Variants in OSTM1 observed in about 807,000 individuals in gnomAD.
OSTM1 encodes the protein osteopetrosis-associated transmembrane protein 1.
Under a neutral mutation model 35.4 loss-of-function variants are expected in OSTM1, and 26 were observed. The observed-to-expected ratio is 0.73, with a 90% CI of 0.54 to 1.02. The LOEUF is 1.02. OSTM1 is among the 50% of genes least tolerant of loss of function. OSTM1 has a pLI of 0.00. For synonymous variants in OSTM1, 181 were observed against 165.0 expected, an observed-to-expected ratio of 1.10 and a Z score of -0.75; for missense variants, 366 against 409.6, an observed-to-expected ratio of 0.89 and a Z score of 0.92.
At chr6:108,058,257 T>G (rs1165879871) in intron 2 of OSTM1, among the ~76,000 whole-genome samples, 1 of 152,120 alleles carries the variant, frequency 6.6e-6, no homozygotes, top group African/African-American at 2.4e-5. Context: ...GCATTTGGCA[T>G]CTCTTAGGAA....
Position 108,054,505 on chromosome 6 carries a change from AAAGC to A in OSTM1, c.596_599del (p.Cys199LeufsTer32). Reference sequence around the variant, plus strand: ...TATAAAATACCTGAAGGTTATGTTCAAAGCAGGTCAGGGTGTGATTAAATAGATT... The same window carrying A: ...TATAAAATACCTGAAGGTTATGTTCAAGGTCAGGGTGTGATTAAATAGATT... On this transcript the variant is annotated frameshift_variant, in exon 3 of 6. Transcript: ENST00000193322. LOFTEE classifies it high-confidence loss of function. 3 of 1,491,146 alleles carry A rather than the reference AAAGC, an allele frequency of 2.0e-6. No homozygotes were observed. The highest frequency in any genetic ancestry group is 2.8e-6 in the Non-Finnish European group (3 of 1,072,378). 92.4% of individuals were successfully genotyped at this position (1,491,146 alleles called of 1,614,324 possible).
chr6:108,072,755 T>TTTTA lies in OSTM1; in HGVS notation c.402+1491_402+1494dup, dbSNP rs1360415470. 1.2e-3 allele frequency among the ~76,000 whole-genome samples: 181 copies of TTTTA among 152,252 alleles called. 1 individual carries two copies. Among genetic ancestry groups the TTTTA allele is most frequent in the Non-Finnish European group, 7.8e-4 (53 of 68,020 alleles). On this transcript the variant is annotated intron_variant, in intron 1 of 5. Transcript: ENST00000193322. ...GTAAAATGACAGATTTTTATTTTATTTTTATTTATTTATTTATTGTGAGAT... is the reference window on the plus strand; with the variant it reads ...GTAAAATGACAGATTTTTATTTTATTTTTATTTATTTATTTATTTATTGTGAGAT...
chr6:108,048,601 C>T (rs1582386833), intron 5 of OSTM1, among the ~76,000 whole-genome samples: 2 of 152,256 alleles, frequency 1.3e-5, no homozygotes. Context: ...ACCATGACTC[C>T]GATGGGTCTA....
At chr6:108,044,863 AT>A in intron 5 of OSTM1, 23 bp from the exon 6 acceptor site, 1 of 1,301,922 alleles carries the variant, frequency 7.7e-7, no homozygotes, top group Non-Finnish European at 1.1e-6. Context: ...AAAGAATTAT[AT>A]TTTAATTTAA....
In OSTM1 at chr6:108,069,949, T is replaced by A. The variant is rs139820438; in HGVS notation, c.402+4301A>T. On this transcript the variant is annotated intron_variant, in intron 1 of 5. Transcript: ENST00000193322. ...CCTCTCCTCTCTCAATCAATCCATG[T>A]CCATTCACACTAAAGAAGGGTAGAA... is the stretch of plus-strand genomic sequence containing the variant. 1.3e-3 allele frequency among the ~76,000 whole-genome samples: 201 copies of A among 152,306 alleles called. 1 individual carries two copies. Among genetic ancestry groups the A allele is most frequent in the African/African-American group, 4.6e-3 (192 of 41,550 alleles).
chr6:108,044,848 A>C lies in OSTM1; in HGVS notation c.950-8T>G. On this transcript the variant is annotated splice_polypyrimidine_tract_variant and splice_region_variant and intron_variant, in intron 5 of 5. Transcript: ENST00000193322. ...TGGACTTGAGACGTTTGGCTAGATAAATCAAAAGAATTATATTTTAATTTA... is the reference window on the plus strand; with the variant it reads ...TGGACTTGAGACGTTTGGCTAGATACATCAAAAGAATTATATTTTAATTTA... The C allele has an allele frequency of 6.9e-7, 1 of 1,457,456 alleles. No homozygotes were observed. The highest frequency in any genetic ancestry group is 9.5e-7 in the Non-Finnish European group (1 of 1,055,972). The allele number at this position is 1,457,456 out of a possible 1,614,324, so 90.3% of individuals were successfully genotyped here. A position where few individuals can be genotyped will look rare whatever the true frequency, so the allele number is the denominator to read the frequency against.
At chr6:108,050,897 T>C in intron 4 of OSTM1, 134 bp downstream of exon 4, 1 of 762,798 alleles carries the variant, frequency 1.3e-6, no homozygotes, top group Non-Finnish European at 2.3e-6. Flanking sequence ...AAAACTTTAC[T>C]ACTTTATAAC....
chr6:108,062,095 T>C (rs1486523013), intron 2 of OSTM1, among the ~76,000 whole-genome samples: 1 of 152,138 alleles, frequency 6.6e-6, no homozygotes, highest in Non-Finnish European at 1.5e-5. Flanking sequence ...TTCTATATCA[T>C]ACCCATGATA....
intron 1 of OSTM1, among the ~76,000 whole-genome samples, chr6:108,068,711 C>T (rs1772425447): frequency 6.6e-6 from 1 of 152,070 alleles, no homozygotes; most frequent in Non-Finnish European, 1.5e-5. Flanking sequence ...CTTCCCCTAC[C>T]CTCCCCAGCC....
At chr6:108,049,466 T>C in intron 4 of OSTM1, 48 bp from the exon 5 acceptor site, 1 of 1,598,788 alleles carries the variant, frequency 6.3e-7, no homozygotes, top group Non-Finnish European at 8.6e-7. Context: ...TTAACTTGTC[T>C]TCAATTTCTT....
chr6:108,074,133 T>C lies in OSTM1; in HGVS notation c.402+117A>G, dbSNP rs1772539205. On this transcript the variant is annotated intron_variant, in intron 1 of 5. Coordinates refer to ENST00000193322, the MANE Select transcript of OSTM1 (RefSeq NM_014028.4). ...TGATGACCCAACTCTACAGACTCAGTCCAACCCCTTTTTCTTACTGTTGGG... is the reference window on the plus strand; with the variant it reads ...TGATGACCCAACTCTACAGACTCAGCCCAACCCCTTTTTCTTACTGTTGGG... The C allele has an allele frequency of 1.7e-5, 17 of 1,025,592 alleles. No homozygotes were observed. In the South Asian group the frequency reaches 2.4e-4, roughly 15 times the overall value. 63.5% of individuals were successfully genotyped at this position (1,025,592 alleles called of 1,614,324 possible).
intron 5 of OSTM1, among the ~76,000 whole-genome samples, chr6:108,047,643 G>C (rs1772004030): frequency 6.6e-6 from 1 of 152,174 alleles, no homozygotes; most frequent in African/African-American, 2.4e-5. Context: ...TTTGGGCTAG[G>C]GTTTACCAGT....
At chr6:108,053,943 C>T (rs1171937925) in intron 3 of OSTM1, among the ~76,000 whole-genome samples, 5 of 152,124 alleles carry the variant, frequency 3.3e-5, no homozygotes, top group East Asian at 1.9e-4. Flanking sequence ...TCACCACGAC[C>T]GGGCAAGTTC....
intron 1 of OSTM1, among the ~76,000 whole-genome samples, chr6:108,071,469 T>A (rs1346163854): frequency 1.4e-5 from 2 of 145,284 alleles, no homozygotes; most frequent in Non-Finnish European, 3.0e-5. Context: ...AATTTTTTTT[T>A]TTTTTTTTTT....
chr6:108,055,363 G>A (rs1772152064), intron 2 of OSTM1, among the ~76,000 whole-genome samples: 1 of 151,634 alleles, frequency 6.6e-6, no homozygotes, highest in Non-Finnish European at 1.5e-5. Context: ...TGCCCAGGCT[G>A]GAGTGCAGTG....
chr6:108,053,509 T>C (rs1772117910), intron 3 of OSTM1, among the ~76,000 whole-genome samples: 1 of 152,180 alleles, frequency 6.6e-6, no homozygotes, highest in East Asian at 1.9e-4. Flanking sequence ...TTCACCTAAT[T>C]TTTTTTATTT....
intron 1 of OSTM1, among the ~76,000 whole-genome samples, chr6:108,071,327 A>G (rs1026792482): frequency 2.0e-5 from 3 of 151,660 alleles, no homozygotes; most frequent in African/African-American, 7.3e-5. Context: ...TTTTTTTGCA[A>G]CGGAGTCTTA....
intron 2 of OSTM1, among the ~76,000 whole-genome samples, chr6:108,060,370 CAACT>C (rs1252638148): frequency 1.3e-5 from 2 of 152,132 alleles, no homozygotes; most frequent in Non-Finnish European, 2.9e-5. Flanking sequence ...GTTTTCTTTT[CAACT>C]AACTGGGGAA....
intron 1 of OSTM1, among the ~76,000 whole-genome samples, chr6:108,068,970 C>T (rs758680894): frequency 9.9e-5 from 15 of 152,128 alleles, no homozygotes; most frequent in Non-Finnish European, 2.2e-4. Flanking sequence ...AAACTCCTTC[C>T]CATCTCAGTC....
Sources: gnomAD v4.1 joint callset for allele counts (sites outside exome capture counted in the v4.1 genomes callset) on GRCh38, gnomAD v4.1.1 for gene constraint, MANE v1.5 for transcripts, NCBI Gene and HGNC (gene_info 2026-07-23, HGNC 2026-07-21) for gene names.